Variants in TGFA observed in about 807,000 individuals in gnomAD.
The protein encoded by TGFA is transforming growth factor alpha, also known as protransforming growth factor alpha.
Under a neutral mutation model 21.7 loss-of-function variants are expected in TGFA, and 12 were observed. That is an observed-to-expected ratio of 0.55 (90% CI 0.35 to 0.90). The LOEUF is 0.90. Ranked by LOEUF, TGFA falls within the 40% of genes least tolerant of loss-of-function variation. The pLI, the probability that TGFA is intolerant of heterozygous loss-of-function variation, is 0.01. For missense variants in TGFA, 178 were observed against 210.8 expected, an observed-to-expected ratio of 0.84 and a Z score of 0.96; for synonymous variants, 79 against 88.1, an observed-to-expected ratio of 0.90 and a Z score of 0.58.
chr2:70,476,962 G>A (rs1301363496), intron 2 of TGFA, among the ~76,000 whole-genome samples: 1 of 152,200 alleles, frequency 6.6e-6, no homozygotes, highest in Admixed American at 6.5e-5. Context: ...TGAGATGTAA[G>A]AGAGTGGTCG....
intron 1 of TGFA, among the ~76,000 whole-genome samples, chr2:70,524,897 C>T (rs549666817): frequency 3.3e-5 from 5 of 152,304 alleles, no homozygotes; most frequent in South Asian, 4.1e-4. Context: ...CCTCCCTATC[C>T]GTGAAGGCCC....
intron 2 of TGFA, among the ~76,000 whole-genome samples, chr2:70,472,211 GAGA>G (rs1670772902): frequency 1.3e-5 from 2 of 152,328 alleles, no homozygotes; most frequent in Admixed American, 1.3e-4. Context: ...GCTGAGGGCA[GAGA>G]AGGACTGGCA....
intron 2 of TGFA, among the ~76,000 whole-genome samples, chr2:70,487,246 A>T (rs1553496856): frequency 6.6e-6 from 1 of 152,228 alleles, no homozygotes; most frequent in African/African-American, 2.4e-5. Flanking sequence ...TGTGTGCCCA[A>T]CAGGGAATAA....
At chr2:70,452,697 T>C (rs534746288) in intron 5 of TGFA, among the ~76,000 whole-genome samples, 3 of 152,188 alleles carry the variant, frequency 2.0e-5, no homozygotes, top group Admixed American at 2.0e-4. Flanking sequence ...ATCCCAGCAC[T>C]TTGGGAGGCC....
intron 2 of TGFA, among the ~76,000 whole-genome samples, chr2:70,506,245 C>T (rs782674504): frequency 1.3e-5 from 2 of 152,204 alleles, no homozygotes; most frequent in Admixed American, 6.5e-5. Flanking sequence ...TCCTGGGTCA[C>T]ACACATTTCA....
intron 1 of TGFA, among the ~76,000 whole-genome samples, chr2:70,525,673 C>T (rs529702538): frequency 2.6e-5 from 4 of 152,236 alleles, no homozygotes; most frequent in African/African-American, 7.2e-5. Flanking sequence ...CAAGTGCAGG[C>T]TCCAGGTGCT....
At chr2:70,531,402 GA>G (rs782639965) in intron 1 of TGFA, among the ~76,000 whole-genome samples, 3 of 152,064 alleles carry the variant, frequency 2.0e-5, no homozygotes, top group African/African-American at 4.8e-5. Flanking sequence ...TAGATTTATG[GA>G]ACACCTTTTA....
At chr2:70,463,613 T>A (rs1269098176) in intron 3 of TGFA, among the ~76,000 whole-genome samples, 4 of 152,110 alleles carry the variant, frequency 2.6e-5, no homozygotes, top group African/African-American at 9.7e-5. Flanking sequence ...TCACTTTGGG[T>A]CAGAACTTGG....
At chr2:70,465,326 C>G (rs1451955217) in intron 3 of TGFA, among the ~76,000 whole-genome samples, 5 of 152,184 alleles carry the variant, frequency 3.3e-5, no homozygotes, top group African/African-American at 1.2e-4. Flanking sequence ...AATTTTCAGA[C>G]TTTGCTAAAC....
chr2:70,453,341 G>C lies in TGFA; in HGVS notation c.366-14C>G. 6.2e-7 allele frequency: 1 copy of C among 1,611,824 alleles called. No individual in the cohort carries two copies. The highest frequency in any genetic ancestry group is 8.5e-7 in the Non-Finnish European group (1 of 1,178,840). On this transcript the variant is annotated splice_polypyrimidine_tract_variant and intron_variant, in intron 4 of 5. Coordinates refer to ENST00000295400, the MANE Select transcript of TGFA (RefSeq NM_003236.4). ...ACCTGGCAGCAGCTGCAAAGACACA[G>C]AGGACCCAGTCTGGGCAGGAGCCTG...
chr2:70,449,711 T>G lies in TGFA; in HGVS notation c.*1148A>C, dbSNP rs1362754137. 1 of 175,976 alleles carries G rather than the reference T, an allele frequency of 5.7e-6. No individual in the cohort carries two copies. The highest frequency in any genetic ancestry group is 2.4e-5 in the African/African-American group (1 of 42,130). The allele number at this position is 175,976 out of a possible 1,614,324, so 10.9% of individuals were successfully genotyped here. Reference sequence around the variant, plus strand: ...AAAGTTAAACTTCTCCTTTTAAAAATAAAGCAACAAACCAACCAAGCAACA... The same window carrying G: ...AAAGTTAAACTTCTCCTTTTAAAAAGAAAGCAACAAACCAACCAAGCAACA... On this transcript the variant is annotated 3_prime_UTR_variant, in exon 6 of 6. Transcript: ENST00000295400.
intron 1 of TGFA, among the ~76,000 whole-genome samples, chr2:70,526,864 T>A (rs1404764138): frequency 6.6e-6 from 1 of 152,194 alleles, no homozygotes; most frequent in Admixed American, 6.5e-5. Flanking sequence ...AGAATGAAGG[T>A]GGCAGCATTT....
intron 1 of TGFA, among the ~76,000 whole-genome samples, chr2:70,534,179 C>T (rs1454866030): frequency 6.6e-6 from 1 of 152,204 alleles, no homozygotes; most frequent in Non-Finnish European, 1.5e-5. Flanking sequence ...TTCTCATCTG[C>T]TGTTCCTTCA....
intron 1 of TGFA, among the ~76,000 whole-genome samples, chr2:70,545,679 A>C (rs1673281233): frequency 6.6e-6 from 1 of 152,206 alleles, no homozygotes; most frequent in South Asian, 2.1e-4. Context: ...ATATTGGCAT[A>C]TCTTGGAATA....
chr2:70,540,700 CA>C (rs1179878945), intron 1 of TGFA, among the ~76,000 whole-genome samples: 1 of 151,866 alleles, frequency 6.6e-6, no homozygotes, highest in African/African-American at 2.4e-5. Flanking sequence ...AGGTTAAAAA[CA>C]AAAAAATTAC....
intron 1 of TGFA, among the ~76,000 whole-genome samples, chr2:70,543,938 A>G (rs1574150326): frequency 6.6e-6 from 1 of 152,360 alleles, no homozygotes; most frequent in Middle Eastern, 3.4e-3. Flanking sequence ...GAATAATACC[A>G]CATAGCCAAG....
intron 1 of TGFA, among the ~76,000 whole-genome samples, chr2:70,552,267 T>C (rs563782087): frequency 6.6e-5 from 10 of 152,198 alleles, no homozygotes; most frequent in Non-Finnish European, 1.3e-4. Flanking sequence ...GAAAACTGCA[T>C]GAATAAATGT....
Position 70,545,408 on chromosome 2 carries a change from C to T in TGFA, c.40+8320G>A, listed in dbSNP as rs116994386. ...GCTTAGTTCCTATGCCACAGTATGC[C>T]CCAGATCTTATAATTTTACAAAGAA... is the stretch of plus-strand genomic sequence containing the variant. On this transcript the variant is annotated intron_variant, in intron 1 of 5. Coordinates refer to ENST00000295400, the MANE Select transcript of TGFA (RefSeq NM_003236.4). Among the ~76,000 whole-genome samples, 505 of 151,916 alleles carry T rather than the reference C, an allele frequency of 3.3e-3. 27 individuals carry two copies. In the East Asian group the frequency reaches 0.089, roughly 27 times the overall value.
chr2:70,462,814 C>T (rs186183666), intron 3 of TGFA, among the ~76,000 whole-genome samples: 8 of 152,216 alleles, frequency 5.3e-5, no homozygotes, highest in East Asian at 3.9e-4. Context: ...CTTGCATGGC[C>T]GTGCCTCCCC....
Sources: gnomAD v4.1 joint callset for allele counts (sites outside exome capture counted in the v4.1 genomes callset) on GRCh38, gnomAD v4.1.1 for gene constraint, MANE v1.5 for transcripts, NCBI Gene and HGNC (gene_info 2026-07-23, HGNC 2026-07-21) for gene names.